The following CAVIN4 variants were observed in gnomAD, a reference collection of about 807,000 sequenced individuals.
The protein encoded by CAVIN4 is caveolae-associated protein 4.
In CAVIN4, 10 loss-of-function variants were observed where a neutral mutation model predicts 18.6. The ratio of observed to expected loss-of-function variants is 0.54; its 90% CI spans 0.33 to 0.91. The LOEUF is 0.91. Ranked by LOEUF, CAVIN4 falls within the 40% of genes least tolerant of loss-of-function variation. CAVIN4 has a pLI of 0.02. For missense variants in CAVIN4, 459 were observed against 440.5 expected (o/e 1.04, Z -0.38); for synonymous variants, 173 against 164.8 (o/e 1.05, Z -0.38).
chr9:100,581,805 C>T (rs751952800), intron 1 of CAVIN4, among the ~76,000 whole-genome samples: 1 of 152,160 alleles, frequency 6.6e-6, no homozygotes, highest in African/African-American at 2.4e-5. Context: ...ATTATACCCT[C>T]TCAGGCCGTG....
In CAVIN4 at chr9:100,580,013, A is replaced by G. The variant is rs376034588; in HGVS notation, c.408+1462A>G. Among the ~76,000 whole-genome samples, 156 of 151,986 alleles carry G rather than the reference A, an allele frequency of 1.0e-3. 2 individuals carry two copies. The highest frequency in any genetic ancestry group is 3.4e-3 in the African/African-American group (142 of 41,438). On this transcript the variant is annotated intron_variant, in intron 1 of 1. Transcript: ENST00000307584. The stretch of plus-strand genomic sequence containing the variant: ...ATTTCAAAGGTAGATAGGGCAGACT[A>G]TGCTATTTGAAGTTCTTTATCATTT...
chr9:100,578,021 G>A (rs186879423), upstream of CAVIN4: 6 of 879,282 alleles, frequency 6.8e-6, no homozygotes, highest in East Asian at 5.1e-5. Flanking sequence ...ATACTTGACC[G>A]TTCTCTAGGG....
At chr9:100,584,658 CTTGAA>C (rs1283842682) in intron 1 of CAVIN4, among the ~76,000 whole-genome samples, 4 of 152,130 alleles carry the variant, frequency 2.6e-5, no homozygotes, top group Non-Finnish European at 4.4e-5. Flanking sequence ...GTTGGGGACA[CTTGAA>C]TTGATTATTG....
At chr9:100,579,711 G>A (rs1385143096) in intron 1 of CAVIN4, among the ~76,000 whole-genome samples, 3 of 152,118 alleles carry the variant, frequency 2.0e-5, no homozygotes, top group Non-Finnish European at 4.4e-5. Flanking sequence ...AATGACACCT[G>A]TATTTTAAAA....
intron 1 of CAVIN4, among the ~76,000 whole-genome samples, chr9:100,583,655 T>G (rs1196011058): frequency 8.5e-6 from 1 of 117,086 alleles, no homozygotes; most frequent in Admixed American, 9.3e-5. Context: ...ATTCATTCAT[T>G]CATTTTTTTT....
chr9:100,578,020 C>T (rs1053409896), upstream of CAVIN4: 7 of 859,580 alleles, frequency 8.1e-6, no homozygotes, highest in Non-Finnish European at 1.3e-5. Flanking sequence ...AATACTTGAC[C>T]GTTCTCTAGG....
chr9:100,580,222 A>G (rs1839413988), intron 1 of CAVIN4, among the ~76,000 whole-genome samples: 1 of 151,884 alleles, frequency 6.6e-6, no homozygotes, highest in Admixed American at 6.6e-5. Flanking sequence ...ACCTGTGGGG[A>G]GGTTGAGGCT....
At chr9:100,584,010 A>C (rs961425357) in intron 1 of CAVIN4, among the ~76,000 whole-genome samples, 2 of 152,120 alleles carry the variant, frequency 1.3e-5, no homozygotes, top group African/African-American at 4.8e-5. Context: ...AGAGCATTGC[A>C]TGACCTGGAC....
rs943127632 is a variant in CAVIN4, at chr9:100,586,139, T to C, written c.783T>C (p.Asn261=). The change falls in exon 2 of 2, where the codon AAT becomes AAC. Residue 261 remains asparagine (N), a synonymous_variant. Coordinates refer to ENST00000307584, the MANE Select transcript of CAVIN4 (RefSeq NM_001018116.2). The part of the protein sequence containing the change: ...SGERFKKSIS[N]AAPSKEAFKM... ...AGAGGTTTAAGAAATCTATTTCTAA[T>C]GCAGCTCCCTCAAAGGAAGCTTTTA... 4 of 1,579,858 alleles carry C rather than the reference T, an allele frequency of 2.5e-6. No individual in the cohort carries two copies. The highest frequency in any genetic ancestry group is 3.4e-6 in the Non-Finnish European group (4 of 1,164,938).
chr9:100,581,606 C>T (rs374440404), intron 1 of CAVIN4, among the ~76,000 whole-genome samples: 12 of 152,268 alleles, frequency 7.9e-5, no homozygotes, highest in Admixed American at 3.3e-4. Flanking sequence ...AATAGATCTG[C>T]GTAACAAGTA....
chr9:100,584,159 G>A (rs1298756503), intron 1 of CAVIN4, among the ~76,000 whole-genome samples: 3 of 152,078 alleles, frequency 2.0e-5, no homozygotes, highest in South Asian at 2.1e-4. Context: ...AGATGTCACC[G>A]TATGAATGAG....
At chr9:100,581,077 T>C (rs1200935397) in intron 1 of CAVIN4, 1 of 152,238 alleles carries the variant, frequency 6.6e-6, no homozygotes, top group African/African-American at 2.4e-5. Context: ...TTTTCGAACA[T>C]ACTATATCTT....
Position 100,586,257 on chromosome 9 carries a change from G to GA in CAVIN4, c.902dup (p.Ser302ValfsTer7). On this transcript the variant is annotated frameshift_variant, in exon 2 of 2. Coordinates refer to ENST00000307584, the MANE Select transcript of CAVIN4 (RefSeq NM_001018116.2). Reference sequence around the variant, plus strand: ...GGGTGTGGACATCATTGCCAGGAGCGAGTCTCTGGGCCCCATCAGTGAGCT... The same window carrying GA: ...GGGTGTGGACATCATTGCCAGGAGCGAAGTCTCTGGGCCCCATCAGTGAGCT... The GA allele has an allele frequency of 6.3e-7, 1 of 1,582,806 alleles. No homozygotes were observed. Among genetic ancestry groups the GA allele is most frequent in the Non-Finnish European group, 8.6e-7 (1 of 1,163,498 alleles).
intron 1 of CAVIN4, 22 bp downstream of exon 1, chr9:100,578,573 G>C (rs748959271): frequency 1.7e-5 from 27 of 1,611,996 alleles, no homozygotes; most frequent in Non-Finnish European, 2.1e-5. Flanking sequence ...CTTGTGTTCA[G>C]CTTGCTTGTT....
rs931503962 is a variant in CAVIN4, at chr9:100,588,156, G to A, written c.*1705G>A. ...AAATATTTGACTCAGTTACTCAGAT[G>A]TTTGGGTTTGGGAGTCTGATTCAGC... is the stretch of plus-strand genomic sequence containing the variant. On this transcript the variant is annotated 3_prime_UTR_variant, in exon 2 of 2. Coordinates refer to ENST00000307584, the MANE Select transcript of CAVIN4 (RefSeq NM_001018116.2). 1.3e-5 allele frequency among the ~76,000 whole-genome samples: 2 copies of A among 152,180 alleles called. No individual in the cohort carries two copies. The highest frequency in any genetic ancestry group is 2.9e-5 in the Non-Finnish European group (2 of 68,030).
In CAVIN4 at chr9:100,586,394, T is replaced by A. The variant is rs1344886419; in HGVS notation, c.1038T>A (p.Ser346=). Residue 346 remains serine (S), a synonymous_variant, in exon 2 of 2, where the codon TCT becomes TCA. Transcript: ENST00000307584. ...TPEPLKVTFK[S]QVKVEDDESL... ...AGCCTTTAAAAGTTACTTTTAAATC[T>A]CAGGTGAAAGTAGAGGATGATGAAT... 1 of 1,613,970 alleles carries A rather than the reference T, an allele frequency of 6.2e-7. No individual in the cohort carries two copies. The highest frequency in any genetic ancestry group is 8.5e-7 in the Non-Finnish European group (1 of 1,180,024).
At chr9:100,579,452 T>C (rs1273087000) in intron 1 of CAVIN4, among the ~76,000 whole-genome samples, 2 of 152,198 alleles carry the variant, frequency 1.3e-5, no homozygotes, top group African/African-American at 4.8e-5. Context: ...TATTTAAATG[T>C]TGGCAGTTAT....
rs1839475692 is a variant in CAVIN4, at chr9:100,586,161, T to C, written c.805T>C (p.Phe269Leu). 6.4e-7 allele frequency: 1 copy of C among 1,566,292 alleles called. No homozygotes were observed. Among genetic ancestry groups the C allele is most frequent in the Non-Finnish European group, 8.6e-7 (1 of 1,159,336 alleles). The change falls in exon 2 of 2, where the codon TTT becomes CTT. Residue 269 changes from phenylalanine (F) to leucine (L), a missense_variant. Transcript: ENST00000307584. ...ISNAAPSKEA[F>L]KMRSLRKGKD... ...TAATGCAGCTCCCTCAAAGGAAGCT[T>C]TTAAGATGCGCAGCCTCAGGAAAGG...
Position 100,586,160 on chromosome 9 carries a change from T to C in CAVIN4, c.804T>C (p.Ala268=). ...CTAATGCAGCTCCCTCAAAGGAAGC[T>C]TTTAAGATGCGCAGCCTCAGGAAAG... ...SISNAAPSKE[A]FKMRSLRKGK... is the part of the protein sequence containing the mutation. The change falls in exon 2 of 2, where the codon GCT becomes GCC. Residue 268 remains alanine (A), a synonymous_variant. Coordinates refer to ENST00000307584, the MANE Select transcript of CAVIN4 (RefSeq NM_001018116.2). 6.4e-7 allele frequency: 1 copy of C among 1,566,708 alleles called. No individual in the cohort carries two copies. The highest frequency in any genetic ancestry group is 8.6e-7 in the Non-Finnish European group (1 of 1,159,506).
Sources: gnomAD v4.1 joint callset for allele counts (sites outside exome capture counted in the v4.1 genomes callset) on GRCh38, gnomAD v4.1.1 for gene constraint, MANE v1.5 for transcripts, NCBI Gene and HGNC (gene_info 2026-07-23, HGNC 2026-07-21) for gene names.